GABRG3: variants seen among roughly 807,000 people sequenced by gnomAD.
GABRG3 encodes the protein gamma-aminobutyric acid type A receptor subunit gamma3, also known as gamma-aminobutyric acid receptor subunit gamma-3.
A neutral mutation model predicts 48.8 loss-of-function variants in GABRG3; 25 were observed. The ratio of observed to expected loss-of-function variants is 0.51; its 90% CI spans 0.37 to 0.72. The LOEUF is 0.72. Among genes scored for constraint, GABRG3 ranks in the 30% least tolerant of loss-of-function variants. The pLI is 0.00. For missense variants in GABRG3, 394 were observed against 577.9 expected (o/e 0.68, Z 3.26); for synonymous variants, 227 against 217.6 (o/e 1.04, Z -0.38).
chr15:27,149,374 G>T (rs1408274411), intron 3 of GABRG3, among the ~76,000 whole-genome samples: 1 of 152,136 alleles, frequency 6.6e-6, no homozygotes, highest in African/African-American at 2.4e-5. Flanking sequence ...CATGTTCATG[G>T]ATTGGAAGAC....
At position 27,218,927 on chromosome 15, in the gene GABRG3, T is replaced by C. The variant is rs146712264; in HGVS notation, c.271-107882T>C. 4.4e-3 allele frequency among the ~76,000 whole-genome samples: 668 copies of C among 152,020 alleles called. 6 individuals carry two copies. The highest frequency in any genetic ancestry group is 0.015 in the African/African-American group (633 of 41,470). ...GCTTCCATTATTGTGAATCACAGAGTAATGAGGAAATGAACAAATGGATGC... is the reference window on the plus strand; with the variant it reads ...GCTTCCATTATTGTGAATCACAGAGCAATGAGGAAATGAACAAATGGATGC... On this transcript the variant is annotated intron_variant, in intron 3 of 9. Transcript: ENST00000615808.
intron 5 of GABRG3, among the ~76,000 whole-genome samples, chr15:27,337,759 T>C (rs1894024081): frequency 6.6e-6 from 1 of 152,214 alleles, no homozygotes; most frequent in African/African-American, 2.4e-5. Context: ...GAAATCCAAC[T>C]ATGAGATGTC....
At chr15:27,346,575 G>A (rs533705523) in intron 5 of GABRG3, among the ~76,000 whole-genome samples, 1 of 151,624 alleles carries the variant, frequency 6.6e-6, no homozygotes, top group East Asian at 1.9e-4. Flanking sequence ...TCAATTATGT[G>A]TACGTTACAC....
intron 3 of GABRG3, among the ~76,000 whole-genome samples, chr15:27,259,662 A>T (rs1180044815): frequency 6.6e-6 from 1 of 152,166 alleles, no homozygotes; most frequent in East Asian, 1.9e-4. Flanking sequence ...TTAACTTGTC[A>T]GTAAGTCTCT....
chr15:27,150,683 G>A (rs1307300122), intron 3 of GABRG3, among the ~76,000 whole-genome samples: 2 of 152,200 alleles, frequency 1.3e-5, no homozygotes, highest in Non-Finnish European at 2.9e-5. Flanking sequence ...GGCACTTTGT[G>A]AATTACCTGT....
intron 3 of GABRG3, among the ~76,000 whole-genome samples, chr15:27,091,888 G>A (rs1024612214): frequency 6.6e-6 from 1 of 152,162 alleles, no homozygotes; most frequent in African/African-American, 2.4e-5. Context: ...TCCTGTTTCA[G>A]TGGCAAACAT....
At chr15:27,415,807 G>C (rs758635273) in intron 5 of GABRG3, among the ~76,000 whole-genome samples, 1 of 152,160 alleles carries the variant, frequency 6.6e-6, no homozygotes, top group Non-Finnish European at 1.5e-5. Context: ...TGGAAGTGGG[G>C]CCATGCAAGA....
chr15:27,393,494 A>G (rs988581376), intron 5 of GABRG3, among the ~76,000 whole-genome samples: 3 of 152,222 alleles, frequency 2.0e-5, no homozygotes, highest in Non-Finnish European at 4.4e-5. Context: ...ATACATATAC[A>G]CATACATATA....
At chr15:27,296,339 CAT>C (rs1891982563) in intron 3 of GABRG3, among the ~76,000 whole-genome samples, 1 of 151,942 alleles carries the variant, frequency 6.6e-6, no homozygotes, top group Non-Finnish European at 1.5e-5. Context: ...ATGGTTATAA[CAT>C]ATAGAAATGT....
At chr15:27,383,321 C>T (rs1218454140) in intron 5 of GABRG3, among the ~76,000 whole-genome samples, 10 of 152,176 alleles carry the variant, frequency 6.6e-5, no homozygotes, top group Non-Finnish European at 1.0e-4. Flanking sequence ...GCCATTCTTT[C>T]GCTTGTTGAA....
chr15:27,317,040 T>C (rs1285429560), intron 3 of GABRG3, among the ~76,000 whole-genome samples: 1 of 152,210 alleles, frequency 6.6e-6, no homozygotes, highest in African/African-American at 2.4e-5. Flanking sequence ...CTTTGATTGA[T>C]TGATTTGTCT....
At chr15:27,379,224 T>C (rs1256745318) in intron 5 of GABRG3, among the ~76,000 whole-genome samples, 1 of 152,220 alleles carries the variant, frequency 6.6e-6, no homozygotes, top group Non-Finnish European at 1.5e-5. Context: ...ATTATTCTTA[T>C]TTTTCCCCTT....
intron 3 of GABRG3, among the ~76,000 whole-genome samples, chr15:27,031,490 C>G (rs1896086141): frequency 6.6e-6 from 1 of 152,194 alleles, no homozygotes; most frequent in Non-Finnish European, 1.5e-5. Flanking sequence ...CTGAGGAAAT[C>G]TAAGACTTGT....
Position 27,003,984 on chromosome 15 carries a change from AC to A in GABRG3, c.203-22764del, listed in dbSNP as rs1297517376. Among the ~76,000 whole-genome samples the A allele has an allele frequency of 1.2e-3, 153 of 130,082 alleles. 2 individuals carry two copies. The highest frequency in any genetic ancestry group is 4.5e-3 in the African/African-American group (150 of 33,270). 85.3% of individuals were successfully genotyped at this position (130,082 alleles called of 152,430 possible). On this transcript the variant is annotated intron_variant, in intron 2 of 9. Transcript: ENST00000615808. ...GGGCGGCTGGCCGGGCGGGGGGCTG[AC>A]CCCCCACCTCCCTCCCGGACGGGGC...
chr15:27,102,098 G>C (rs191725139), intron 3 of GABRG3, among the ~76,000 whole-genome samples: 1 of 152,308 alleles, frequency 6.6e-6, no homozygotes, highest in Non-Finnish European at 1.5e-5. Flanking sequence ...GGACTCCCCT[G>C]ATGTGGGATG....
Position 27,125,848 on chromosome 15 carries a change from G to A in GABRG3, c.270+99027G>A, listed in dbSNP as rs543664126. ...TGTGCACTGTGGCACTCGTCCTCAAGTCTGCTTGGGACTATTGCAAACACC... is the reference window on the plus strand; with the variant it reads ...TGTGCACTGTGGCACTCGTCCTCAAATCTGCTTGGGACTATTGCAAACACC... On this transcript the variant is annotated intron_variant, in intron 3 of 9. Transcript: ENST00000615808. Among the ~76,000 whole-genome samples, 12 of 152,362 alleles carry A rather than the reference G, an allele frequency of 7.9e-5. 2 individuals are homozygous for A. Among genetic ancestry groups the A allele is most frequent in the African/African-American group, 2.9e-4 (12 of 41,600 alleles).
intron 3 of GABRG3, among the ~76,000 whole-genome samples, chr15:27,168,156 A>G (rs905830964): frequency 6.6e-6 from 1 of 151,878 alleles, no homozygotes; most frequent in East Asian, 1.9e-4. Flanking sequence ...AAAAGGGAAA[A>G]CAGACATCTC....
intron 3 of GABRG3, among the ~76,000 whole-genome samples, chr15:27,275,623 G>A (rs1891226691): frequency 6.6e-6 from 1 of 152,154 alleles, no homozygotes; most frequent in Admixed American, 6.5e-5. Context: ...ATTTCTGATG[G>A]TTCCCAGTGC....
chr15:27,105,981 G>A (rs1396399682), intron 3 of GABRG3, among the ~76,000 whole-genome samples: 1 of 152,120 alleles, frequency 6.6e-6, no homozygotes, highest in Non-Finnish European at 1.5e-5. Flanking sequence ...GCCACAACAT[G>A]AATGAACCTG....
Sources: gnomAD v4.1 joint callset for allele counts (sites outside exome capture counted in the v4.1 genomes callset) on GRCh38, gnomAD v4.1.1 for gene constraint, MANE v1.5 for transcripts, NCBI Gene and HGNC (gene_info 2026-07-23, HGNC 2026-07-21) for gene names.